RPTOR: variants seen among roughly 807,000 people sequenced by gnomAD.
RPTOR encodes regulatory-associated protein of mTOR.
Under a neutral mutation model 169.9 loss-of-function variants are expected in RPTOR, and 21 were observed. That is an observed-to-expected ratio of 0.12 (90% CI 0.09 to 0.18). The LOEUF is 0.18. Ranked by LOEUF, RPTOR falls within the 10% of genes least tolerant of loss-of-function variation. The pLI, the probability that RPTOR is intolerant of heterozygous loss-of-function variation, is 1.00. For missense variants in RPTOR, 1,133 were observed against 1,855.9 expected (o/e 0.61, Z 7.16); for synonymous variants, 732 against 753.2 (o/e 0.97, Z 0.46).
chr17:80,929,990 T>C (rs1288254465), intron 24 of RPTOR, among the ~76,000 whole-genome samples: 3 of 151,964 alleles, frequency 2.0e-5, no homozygotes, highest in African/African-American at 4.8e-5. Flanking sequence ...AGTTCATCCT[T>C]GGCTCATCCT....
At chr17:80,825,229 C>T (rs1237168688) in intron 9 of RPTOR, among the ~76,000 whole-genome samples, 1 of 151,040 alleles carries the variant, frequency 6.6e-6, no homozygotes, top group African/African-American at 2.4e-5. Context: ...CCACATCCCA[C>T]CTCTCCATCT....
At chr17:80,857,501 G>A (rs1324522318) in intron 12 of RPTOR, among the ~76,000 whole-genome samples, 2 of 152,222 alleles carry the variant, frequency 1.3e-5, no homozygotes, top group Non-Finnish European at 2.9e-5. Flanking sequence ...GGCAGGCAAG[G>A]GCCCCAGGCG....
intron 19 of RPTOR, among the ~76,000 whole-genome samples, chr17:80,893,262 G>A (rs923754669): frequency 7.3e-5 from 11 of 150,820 alleles, no homozygotes; most frequent in South Asian, 4.2e-4. Flanking sequence ...GGGTGTGTGC[G>A]CCAGGGTGCG....
At chr17:80,744,043 TTACTAGCACAGCCCTGGC>T (rs2066528182) in intron 5 of RPTOR, among the ~76,000 whole-genome samples, 4 of 32,560 alleles carry the variant, frequency 1.2e-4, no homozygotes, top group African/African-American at 5.0e-4. Flanking sequence ...ACAGCCCTGG[TTACTAGCACAGCCCTGGC>T]TACTAGCACT....
Position 80,695,874 on chromosome 17 carries a change from A to G in RPTOR, c.349-11967A>G, listed in dbSNP as rs1462286757. 6.6e-6 allele frequency among the ~76,000 whole-genome samples: 1 copy of G among 152,232 alleles called. No homozygotes were observed. The highest frequency in any genetic ancestry group is 1.5e-5 in the Non-Finnish European group (1 of 68,034). On this transcript the variant is annotated intron_variant, in intron 3 of 33. Transcript: ENST00000306801. This position sits in a 1 kb window ranked among gnomAD's most constrained non-coding sequence, Gnocchi z 4.9. ...GGGCCGCAGACCACTTTTGCCCTGC[A>G]TGGCCTCGTGGCTGCCTTTTCTACC...
At position 80,861,178 on chromosome 17, in the gene RPTOR, C is replaced by T. The variant is rs1303563565; in HGVS notation, c.1509+3278C>T. On this transcript the variant is annotated intron_variant, in intron 13 of 33. Coordinates refer to ENST00000306801, the MANE Select transcript of RPTOR (RefSeq NM_020761.3). This position sits in a 1 kb window ranked among gnomAD's most constrained non-coding sequence, Gnocchi z 4.5. Reference sequence around the variant, plus strand: ...GATCCCATCACCGCATTTGCTCTTACAAGTCATTTTCACTTCCCTTGGCCA... The same window carrying T: ...GATCCCATCACCGCATTTGCTCTTATAAGTCATTTTCACTTCCCTTGGCCA... Among the ~76,000 whole-genome samples the T allele has an allele frequency of 2.1e-5, 3 of 145,122 alleles. 1 individual carries two copies. The highest frequency in any genetic ancestry group is 7.3e-5 in the African/African-American group (3 of 40,970).
At chr17:80,718,612 T>A (rs2066259289) in intron 4 of RPTOR, among the ~76,000 whole-genome samples, 1 of 152,148 alleles carries the variant, frequency 6.6e-6, no homozygotes, top group Non-Finnish European at 1.5e-5. Flanking sequence ...GGCTGAGTCT[T>A]ACAGAAGAGA....
At position 80,685,602 on chromosome 17, in the gene RPTOR, C is replaced by CATA. The variant is rs1327593960; in HGVS notation, c.349-22238_349-22236dup. 1.7e-4 allele frequency among the ~76,000 whole-genome samples: 6 copies of CATA among 34,526 alleles called. 1 individual carries two copies. The Admixed American group carries it at 2.9e-3, about 17-fold the overall frequency. The allele number at this position is 34,526 out of a possible 152,430, so 22.7% of individuals were successfully genotyped here. A position where few individuals can be genotyped will look rare whatever the true frequency, so the allele number is the denominator to read the frequency against. On this transcript the variant is annotated intron_variant, in intron 3 of 33. Coordinates refer to ENST00000306801, the MANE Select transcript of RPTOR (RefSeq NM_020761.3). ...ATTTTTGTATATTCAGGGCCATTTCCATATATATATATATATATATATATA... is the reference window on the plus strand; with the variant it reads ...ATTTTTGTATATTCAGGGCCATTTCCATAATATATATATATATATATATATATA...
chr17:80,556,381 C>T (rs575826386), intron 1 of RPTOR, among the ~76,000 whole-genome samples: 31 of 152,168 alleles, frequency 2.0e-4, no homozygotes, highest in Middle Eastern at 3.4e-3. Flanking sequence ...CATGGTGGTG[C>T]GCACCTGTGG....
At chr17:80,811,578 G>T (rs1350410622) in intron 7 of RPTOR, among the ~76,000 whole-genome samples, 1 of 151,732 alleles carries the variant, frequency 6.6e-6, no homozygotes, top group Non-Finnish European at 1.5e-5. Context: ...ACAGAACATA[G>T]CCACGCCCTC....
chr17:80,579,186 G>GTTTA (rs1207365403), intron 1 of RPTOR, among the ~76,000 whole-genome samples: 269 of 151,930 alleles, frequency 1.8e-3, no homozygotes, highest in Non-Finnish European at 2.5e-3. Flanking sequence ...TTATTTATTT[G>GTTTA]TTTATTTATT....
chr17:80,771,700 G>A (rs1278052835), intron 6 of RPTOR, among the ~76,000 whole-genome samples: 3 of 152,004 alleles, frequency 2.0e-5, no homozygotes, highest in African/African-American at 7.3e-5. Flanking sequence ...TTCAGACTTG[G>A]GTGGGGTGGG....
At chr17:80,761,249 G>A (rs1032751917) in intron 6 of RPTOR, among the ~76,000 whole-genome samples, 1 of 152,128 alleles carries the variant, frequency 6.6e-6, no homozygotes, top group African/African-American at 2.4e-5. Flanking sequence ...CATTTGCTGT[G>A]GGACTTGCTA....
In RPTOR at chr17:80,870,922, A is replaced by G. The variant is rs540809141; in HGVS notation, c.1510-9493A>G. 1.4e-4 allele frequency among the ~76,000 whole-genome samples: 21 copies of G among 152,322 alleles called. No homozygotes were observed. In the South Asian group the frequency reaches 3.5e-3, roughly 26 times the overall value. On this transcript the variant is annotated intron_variant, in intron 13 of 33. Transcript: ENST00000306801. ...GTTATTAACTGCAGTTGATACTCTC[A>G]TCAGATTTTCTTGCTAATGTCCTTT...
intron 6 of RPTOR, among the ~76,000 whole-genome samples, chr17:80,788,067 A>C (rs1598304136): frequency 6.6e-6 from 1 of 152,316 alleles, no homozygotes; most frequent in Admixed American, 6.5e-5. Flanking sequence ...TTTTGTGACA[A>C]GTCTTCTGAG....
chr17:80,908,210 A>G (rs1802018292), intron 20 of RPTOR, among the ~76,000 whole-genome samples: 2 of 152,206 alleles, frequency 1.3e-5, no homozygotes, highest in African/African-American at 4.8e-5. Context: ...CTGTCTTTGT[A>G]TCCGAGTATG....
At chr17:80,833,619 T>A (rs918468290) in intron 9 of RPTOR, among the ~76,000 whole-genome samples, 2 of 152,214 alleles carry the variant, frequency 1.3e-5, no homozygotes, top group African/African-American at 2.4e-5. Context: ...TGTGTTGATT[T>A]TACCGTAGAA....
chr17:80,684,921 C>T (rs757925202), intron 3 of RPTOR, among the ~76,000 whole-genome samples: 6 of 152,164 alleles, frequency 3.9e-5, no homozygotes, highest in Non-Finnish European at 7.3e-5. Flanking sequence ...GAGTCAACAT[C>T]TTAACATTGT....
intron 21 of RPTOR, 93 bp from the exon 22 acceptor site, chr17:80,922,631 C>A: frequency 1.9e-6 from 2 of 1,039,470 alleles, no homozygotes; most frequent in Non-Finnish European, 2.9e-6. Context: ...TTCTGTGATT[C>A]TGAAGCGGCT....
Sources: gnomAD v4.1 joint callset for allele counts (sites outside exome capture counted in the v4.1 genomes callset) on GRCh38, gnomAD v4.1.1 for gene constraint, Gnocchi (gnomAD v3.1) non-coding constraint, MANE v1.5 for transcripts, NCBI Gene and HGNC (gene_info 2026-07-23, HGNC 2026-07-21) for gene names.